The following NBDY variants were observed in gnomAD, a reference collection of about 807,000 sequenced individuals.
The protein encoded by NBDY is negative regulator of P-body association, also known as P-body dissociating protein.
chrX:56,757,468 T>G (rs1383993688), intron 2 of NBDY, among the ~76,000 whole-genome samples: 1 of 111,957 alleles, frequency 8.9e-6, no homozygotes, highest in Non-Finnish European at 1.9e-5. Flanking sequence ...GCACCATCAA[T>G]TCAGTGGCCC....
chrX:56,802,149 G>C (rs1405458951), intron 2 of NBDY, among the ~76,000 whole-genome samples: 2 of 111,896 alleles, frequency 1.8e-5, no homozygotes, highest in African/African-American at 6.5e-5. Flanking sequence ...CAGGCAATGG[G>C]CTATGGGTGA....
chrX:56,783,543 C>A (rs950358649), intron 2 of NBDY, among the ~76,000 whole-genome samples: 1 of 112,285 alleles, frequency 8.9e-6, no homozygotes, highest in Non-Finnish European at 1.9e-5. Flanking sequence ...TGTCTCGGGG[C>A]CTCTAGAGTA....
intron 2 of NBDY, among the ~76,000 whole-genome samples, chrX:56,739,264 G>GTATATA (rs59220932): frequency 3.3e-5 from 1 of 30,393 alleles, no homozygotes; most frequent in Non-Finnish European, 6.6e-5. Flanking sequence ...ATATATATAT[G>GTATATA]TATGTATATA....
At chrX:56,737,878 G>T (rs1201576287) in intron 2 of NBDY, among the ~76,000 whole-genome samples, 2 of 111,592 alleles carry the variant, frequency 1.8e-5, no homozygotes, top group African/African-American at 6.5e-5. Flanking sequence ...TTATCATTCT[G>T]TTTTTCTCTT....
chrX:56,767,745 C>T (rs2069675112), intron 2 of NBDY, among the ~76,000 whole-genome samples: 1 of 107,685 alleles, frequency 9.3e-6, no homozygotes, highest in Non-Finnish European at 1.9e-5. Context: ...AGGGCGGAGG[C>T]CCTCGGATTG....
Position 56,755,186 on chromosome X carries a change from C to T in NBDY, c.*166+22987C>T, listed in dbSNP as rs1191084200. Among the ~76,000 whole-genome samples, 11 of 111,749 alleles carry T rather than the reference C, an allele frequency of 9.8e-5. No individual in the cohort carries two copies. In the East Asian group the frequency reaches 3.1e-3, roughly 31 times the overall value. On this transcript the variant is annotated intron_variant, in intron 2 of 2. Transcript: ENST00000374922. ...ATGTTAGACCTAAAACCATAAAAACCCTAGAAGAAAACTTAGGCAATACCA... is the reference window on the plus strand; with the variant it reads ...ATGTTAGACCTAAAACCATAAAAACTCTAGAAGAAAACTTAGGCAATACCA...
At position 56,796,312 on chromosome X, in the gene NBDY, G is replaced by A. The variant is rs1272122360; in HGVS notation, c.*167-21008G>A. ...CAGGAGGCCACTTGGGCTGCCAGCT[G>A]CCCACCTGGAGCACTCTGCATTCCA... On this transcript the variant is annotated intron_variant, in intron 2 of 2. Coordinates refer to ENST00000374922, the MANE Select transcript of NBDY (RefSeq NM_001348129.2). Among the ~76,000 whole-genome samples, 4 of 112,050 alleles carry A rather than the reference G, an allele frequency of 3.6e-5. No individual in the cohort carries two copies. In the East Asian group the frequency reaches 1.1e-3, roughly 32 times the overall value.
At chrX:56,807,126 A>C (rs940126550) in intron 2 of NBDY, among the ~76,000 whole-genome samples, 7 of 111,578 alleles carry the variant, frequency 6.3e-5, no homozygotes, top group Non-Finnish European at 1.1e-4. Flanking sequence ...GTGGCTGTAG[A>C]TGTGTGGTGT....
intron 2 of NBDY, among the ~76,000 whole-genome samples, chrX:56,804,919 T>C (rs1057474737): frequency 1.8e-5 from 2 of 112,210 alleles, no homozygotes; most frequent in African/African-American, 6.5e-5. Context: ...CACAACCATC[T>C]CAGAATATTG....
chrX:56,735,133 A>G (rs889139875), intron 2 of NBDY, among the ~76,000 whole-genome samples: 3 of 112,157 alleles, frequency 2.7e-5, no homozygotes, highest in African/African-American at 9.7e-5. Flanking sequence ...GATAATAGAA[A>G]GGCCCTCTCT....
rs764680468 is a variant in NBDY at position 56,782,982 on chromosome X, GAC to G, written c.*167-34322_*167-34321del. The stretch of plus-strand genomic sequence containing the variant: ...GCGGACACACACACAGATACACACA[GAC>G]ACACACACACACACAGAAGTAAGCT... On this transcript the variant is annotated intron_variant, in intron 2 of 2. Coordinates refer to ENST00000374922, the MANE Select transcript of NBDY (RefSeq NM_001348129.2). 3.9e-4 allele frequency among the ~76,000 whole-genome samples: 43 copies of G among 110,858 alleles called. 1 individual carries two copies. The highest frequency in any genetic ancestry group is 4.7e-3 in the Middle Eastern group (1 of 213).
intron 2 of NBDY, among the ~76,000 whole-genome samples, chrX:56,783,441 T>G (rs1325754313): frequency 8.9e-6 from 1 of 112,766 alleles, no homozygotes; most frequent in Non-Finnish European, 1.9e-5. Context: ...TGGCTGTCAG[T>G]GGCCAGTGGC....
At chrX:56,755,231 C>A (rs1348481813) in intron 2 of NBDY, among the ~76,000 whole-genome samples, 1 of 112,134 alleles carries the variant, frequency 8.9e-6, no homozygotes, top group South Asian at 3.7e-4. Flanking sequence ...TAGGCATGGG[C>A]AAGGACTTCA....
chrX:56,802,604 G>T (rs1233553040), intron 2 of NBDY, among the ~76,000 whole-genome samples: 1 of 113,042 alleles, frequency 8.8e-6, no homozygotes, highest in East Asian at 2.8e-4. Flanking sequence ...TCTATCTGGA[G>T]CTCCAGGCTT....
intron 2 of NBDY, among the ~76,000 whole-genome samples, chrX:56,758,026 A>G (rs896449339): frequency 9.0e-6 from 1 of 111,431 alleles, no homozygotes; most frequent in Non-Finnish European, 1.9e-5. Context: ...AAAGAGATCA[A>G]AGTTTGGATT....
At chrX:56,797,735 T>C (rs1371018605) in intron 2 of NBDY, among the ~76,000 whole-genome samples, 1 of 111,199 alleles carries the variant, frequency 9.0e-6, no homozygotes, top group Non-Finnish European at 1.9e-5. Flanking sequence ...TTTCAGTGTG[T>C]ACAGTCAGGC....
chrX:56,800,139 T>C (rs988016564), intron 2 of NBDY, among the ~76,000 whole-genome samples: 2 of 111,853 alleles, frequency 1.8e-5, no homozygotes, highest in Non-Finnish European at 3.8e-5. Context: ...AGATCTGGAC[T>C]GTGTCCTTAG....
chrX:56,790,297 T>C (rs764883181), intron 2 of NBDY, among the ~76,000 whole-genome samples: 5 of 112,604 alleles, frequency 4.4e-5, no homozygotes, highest in Admixed American at 1.9e-4. Flanking sequence ...TTCCTGGATG[T>C]GTAGACCACA....
At chrX:56,809,148 A>G (rs1051205248) in intron 2 of NBDY, among the ~76,000 whole-genome samples, 9 of 111,997 alleles carry the variant, frequency 8.0e-5, no homozygotes, top group African/African-American at 2.9e-4. Flanking sequence ...GTTCTTTTGC[A>G]TTTGCTGAGG....
Sources: allele counts gnomAD v4.1 joint callset (sites outside exome capture counted in the v4.1 genomes callset), GRCh38; gene constraint gnomAD v4.1.1; transcripts MANE v1.5; gene names NCBI Gene and HGNC (gene_info 2026-07-23, HGNC 2026-07-21).